The following LCOR variants were observed in gnomAD, a reference collection of about 807,000 sequenced individuals.
LCOR encodes the protein ligand dependent nuclear receptor corepressor.
A neutral mutation model predicts 64.4 loss-of-function variants in LCOR; 14 were observed. The ratio of observed to expected loss-of-function variants is 0.22; its 90% CI spans 0.14 to 0.34. The LOEUF (loss-of-function observed/expected upper bound fraction) is 0.34. Among genes scored for constraint, LCOR ranks in the 10% least tolerant of loss-of-function variants. LCOR has a pLI of 1.00. For missense variants in LCOR, 1,686 were observed against 1,765.3 expected (o/e 0.96, Z 0.80); for synonymous variants, 643 against 642.5 (o/e 1.00, Z -0.01).
intron 7 of LCOR, among the ~76,000 whole-genome samples, chr10:96,978,671 C>T (rs7071211): frequency 0.14 from 21,599 of 152,166 alleles, 2,118 homozygotes; most frequent in African/African-American, 0.27. Context: ...TGCTTTCTTG[C>T]TAGTTGTGAA....
chr10:96,992,506 A>G lies in LCOR; in HGVS notation c.*7372A>G, dbSNP rs1395550416. 6.6e-6 allele frequency: 1 copy of G among 152,236 alleles called. No homozygotes were observed. The highest frequency in any genetic ancestry group is 1.5e-5 in the Non-Finnish European group (1 of 68,056). 9.4% of individuals were successfully genotyped at this position (152,236 alleles called of 1,614,324 possible). A position where few individuals can be genotyped will look rare whatever the true frequency, so the allele number is the denominator to read the frequency against. On this transcript the variant is annotated 3_prime_UTR_variant, in exon 8 of 8. Transcript: ENST00000421806. Reference sequence around the variant, plus strand: ...GATGCAACAGAAGCACGTCTCCCCCACTGTCACCCCATCCCACAACAAAGT... The same window carrying G: ...GATGCAACAGAAGCACGTCTCCCCCGCTGTCACCCCATCCCACAACAAAGT...
intron 7 of LCOR, among the ~76,000 whole-genome samples, chr10:96,976,489 C>T (rs971079812): frequency 1.3e-5 from 2 of 152,156 alleles, no homozygotes; most frequent in Non-Finnish European, 2.9e-5. Flanking sequence ...TCCTACCTAC[C>T]TGTGGCTGTC....
Position 96,987,502 on chromosome 10 carries a change from G to A in LCOR, c.*2368G>A, listed in dbSNP as rs1848158054. The A allele has an allele frequency of 6.6e-6, 1 of 152,146 alleles. No individual in the cohort carries two copies. The highest frequency in any genetic ancestry group is 6.5e-5 in the Admixed American group (1 of 15,282). The allele number at this position is 152,146 out of a possible 1,614,324, so 9.4% of individuals were successfully genotyped here. On this transcript the variant is annotated 3_prime_UTR_variant, in exon 8 of 8. Transcript: ENST00000421806. ...TTTAAAAGCTCAGTTAAAGATAATA[G>A]CCTTCTTTCCCATTCTAGGCTGTGT...
chr10:96,918,925 A>G (rs17486138), intron 4 of LCOR, among the ~76,000 whole-genome samples: 1,893 of 152,294 alleles, frequency 0.012, 19 homozygotes, highest in Non-Finnish European at 0.015. Context: ...AAAGTTTTCT[A>G]GTTACATCAG....
At chr10:96,968,345 A>G (rs1847968812) in intron 7 of LCOR, among the ~76,000 whole-genome samples, 1 of 152,212 alleles carries the variant, frequency 6.6e-6, no homozygotes, top group South Asian at 2.1e-4. Flanking sequence ...GACTCAAGCT[A>G]GAATTAGAAT....
At chr10:96,836,782 A>G (rs947362308) in intron 2 of LCOR, among the ~76,000 whole-genome samples, 3 of 152,228 alleles carry the variant, frequency 2.0e-5, no homozygotes, top group Non-Finnish European at 2.9e-5. Flanking sequence ...TGACTTGTCA[A>G]TTTAAACTGC....
chr10:96,862,264 A>G (rs1482120691), intron 2 of LCOR, among the ~76,000 whole-genome samples: 1 of 151,794 alleles, frequency 6.6e-6, no homozygotes, highest in African/African-American at 2.4e-5. Flanking sequence ...TTACATAGAC[A>G]TGATTTTTTT....
intron 2 of LCOR, among the ~76,000 whole-genome samples, chr10:96,876,830 C>G (rs1846173847): frequency 6.6e-6 from 1 of 152,056 alleles, no homozygotes; most frequent in Non-Finnish European, 1.5e-5. Context: ...GCTGGGATTG[C>G]TTACAGGTGC....
At chr10:96,946,921 T>A (rs1482822809) in intron 5 of LCOR, among the ~76,000 whole-genome samples, 1 of 152,078 alleles carries the variant, frequency 6.6e-6, no homozygotes, top group East Asian at 1.9e-4. Flanking sequence ...GAAATTTCCT[T>A]TATGTATTAC....
At position 96,887,333 on chromosome 10, in the gene LCOR, C is replaced by T. The variant is rs1437807324; in HGVS notation, c.-329-19932C>T. Among the ~76,000 whole-genome samples the T allele has an allele frequency of 3.3e-5, 5 of 151,992 alleles. 1 individual carries two copies. The highest frequency in any genetic ancestry group is 4.2e-4 in the South Asian group (2 of 4,816). On this transcript the variant is annotated intron_variant, in intron 2 of 7. Coordinates refer to ENST00000421806, the MANE Select transcript of LCOR (RefSeq NM_001346516.2). ...TTGTAATCCCAGCACTTTGGGAGGC[C>T]GAGGTGGGTGGATCACGAGGTCAGG...
At chr10:96,860,859 A>G (rs1172756385) in intron 2 of LCOR, among the ~76,000 whole-genome samples, 1 of 152,238 alleles carries the variant, frequency 6.6e-6, no homozygotes, top group Non-Finnish European at 1.5e-5. Context: ...TGTGAAAACT[A>G]ATAGAAGAAA....
intron 7 of LCOR, chr10:96,956,582 A>G (rs1256155983): frequency 5.1e-6 from 5 of 985,696 alleles, no homozygotes; most frequent in Non-Finnish European, 6.0e-6. Flanking sequence ...CCAGAGGGGA[A>G]GGTGGTGGAA....
chr10:96,900,257 A>G (rs2134444688), intron 2 of LCOR, among the ~76,000 whole-genome samples: 1 of 152,200 alleles, frequency 6.6e-6, no homozygotes, highest in South Asian at 2.1e-4. Flanking sequence ...ATTTTATTCC[A>G]TTGTATGGAT....
At position 96,993,587 on chromosome 10, in the gene LCOR, T is replaced by G. The variant is rs1426665810; in HGVS notation, c.*8453T>G. 1 of 152,032 alleles carries G rather than the reference T, an allele frequency of 6.6e-6. No individual in the cohort carries two copies. The highest frequency in any genetic ancestry group is 1.5e-5 in the Non-Finnish European group (1 of 68,000). 9.4% of individuals were successfully genotyped at this position (152,032 alleles called of 1,614,324 possible). On this transcript the variant is annotated 3_prime_UTR_variant, in exon 8 of 8. Transcript: ENST00000421806. ...GATGTTGGTTTGCATTGTAGTATTATAGAATATATTTTGAGCAGTGGACTT... is the reference window on the plus strand; with the variant it reads ...GATGTTGGTTTGCATTGTAGTATTAGAGAATATATTTTGAGCAGTGGACTT...
chr10:96,965,113 A>C (rs1038809638), intron 7 of LCOR, among the ~76,000 whole-genome samples: 6 of 151,232 alleles, frequency 4.0e-5, no homozygotes, highest in Non-Finnish European at 5.9e-5. Flanking sequence ...GGTTCACACC[A>C]TTCTCCTGCC....
chr10:96,884,351 G>A (rs1589630366), intron 2 of LCOR, among the ~76,000 whole-genome samples: 1 of 152,184 alleles, frequency 6.6e-6, no homozygotes, highest in East Asian at 1.9e-4. Flanking sequence ...AAGTGATCCT[G>A]GGAGCAACAT....
intron 4 of LCOR, among the ~76,000 whole-genome samples, chr10:96,929,157 A>C (rs564771685): frequency 1.2e-3 from 188 of 152,330 alleles, no homozygotes; most frequent in Middle Eastern, 6.8e-3. Context: ...ATTAGACTCT[A>C]ACAATCTCAT....
In LCOR at chr10:96,984,659, A is replaced by G. The variant is rs1220372868; in HGVS notation, c.4199A>G (p.Lys1400Arg). 1.2e-6 allele frequency: 2 copies of G among 1,614,158 alleles called. No homozygotes were observed. Among genetic ancestry groups the G allele is most frequent in the Non-Finnish European group, 1.7e-6 (2 of 1,180,040 alleles). The change falls in exon 8 of 8, where the codon AAG (lysine) becomes AGG (arginine). Residue 1400 changes from lysine to arginine, a missense_variant. Lys to Arg is a conservative substitution (Grantham distance 26). This residue lies in a region of LCOR where 1,293 missense variants were observed against 1,410.4 expected (regional missense o/e 0.92). Coordinates refer to ENST00000421806, the MANE Select transcript of LCOR (RefSeq NM_001346516.2). ...AAAGCAGAAGTTCAGAGTAAACGCA[A>G]GAGAACAGAAGGCAGCAGCCCTCCA... ...LPKAEVQSKR[K>R]RTEGSSPPDS...
rs1359654541 is a variant in LCOR at position 96,854,682 on chromosome 10, C to T, written c.-330+21203C>T. ...CTTCAAGCACTTAATAGGTGCTAAG[C>T]AGATATTTTTCCCATTTAATATGTA... is the stretch of plus-strand genomic sequence containing the variant. On this transcript the variant is annotated intron_variant, in intron 2 of 7. Coordinates refer to ENST00000421806, the MANE Select transcript of LCOR (RefSeq NM_001346516.2). Among the ~76,000 whole-genome samples the T allele has an allele frequency of 2.6e-5, 4 of 152,152 alleles. No homozygotes were observed. In the East Asian group the frequency reaches 7.7e-4, roughly 29 times the overall value.
Sources: gnomAD v4.1 joint callset for allele counts (sites outside exome capture counted in the v4.1 genomes callset) on GRCh38, gnomAD v4.1.1 for gene constraint, gnomAD v4.1.1 regional missense constraint, MANE v1.5 for transcripts, NCBI Gene and HGNC (gene_info 2026-07-23, HGNC 2026-07-21) for gene names.